Variants in DLGAP2 observed in about 807,000 individuals in gnomAD.
DLGAP2 encodes DLG associated protein 2, also known as disks large-associated protein 2.
DLGAP2 carries 26 observed loss-of-function variants against 100.3 expected under a neutral mutation model. That is an observed-to-expected ratio of 0.26 (90% CI 0.19 to 0.36). The LOEUF is 0.36. Ranked by LOEUF, DLGAP2 falls within the 10% of genes least tolerant of loss-of-function variation. DLGAP2 has a pLI of 1.00. For missense variants in DLGAP2, 1,858 were observed against 1,453.2 expected (o/e 1.28, Z -4.53); for synonymous variants, 886 against 630.1 (o/e 1.41, Z -6.08).
At chr8:1,526,156 C>T (rs888645751) in intron 4 of DLGAP2, among the ~76,000 whole-genome samples, 5 of 151,086 alleles carry the variant, frequency 3.3e-5, no homozygotes, top group Non-Finnish European at 7.4e-5. Flanking sequence ...CCATGGTGTT[C>T]CCAACGGGCT....
At chr8:1,349,597 C>T (rs199993356) in intron 3 of DLGAP2, among the ~76,000 whole-genome samples, 5,290 of 119,966 alleles carry the variant, frequency 0.044, 123 homozygotes, top group South Asian at 0.087. Flanking sequence ...TATCATGAGC[C>T]TCCTGCCCAC....
intron 2 of DLGAP2, among the ~76,000 whole-genome samples, chr8:1,091,155 C>G (rs933503610): frequency 6.6e-5 from 10 of 152,308 alleles, no homozygotes; most frequent in African/African-American, 2.4e-4. Context: ...CACCCCGGTT[C>G]TCTCTGGGAG....
At chr8:1,689,251 T>C (rs1433287043) in intron 12 of DLGAP2, among the ~76,000 whole-genome samples, 3 of 152,166 alleles carry the variant, frequency 2.0e-5, no homozygotes, top group African/African-American at 7.2e-5. Flanking sequence ...ACGGACTTTC[T>C]GGCCCGACCC....
chr8:1,056,516 A>G (rs752816695), intron 2 of DLGAP2, among the ~76,000 whole-genome samples: 8 of 152,202 alleles, frequency 5.3e-5, no homozygotes, highest in Non-Finnish European at 8.8e-5. Context: ...CTGTAGAACT[A>G]TTAAAGAAAA....
At chr8:1,624,483 G>T (rs1215778876) in intron 6 of DLGAP2, among the ~76,000 whole-genome samples, 1 of 151,942 alleles carries the variant, frequency 6.6e-6, no homozygotes, top group Admixed American at 6.6e-5. Context: ...GAAGCCAGCA[G>T]TGGTCTCTTA....
chr8:1,430,963 TTC>T (rs936922975), intron 3 of DLGAP2, among the ~76,000 whole-genome samples: 7 of 152,240 alleles, frequency 4.6e-5, no homozygotes. Flanking sequence ...AGTCATTACC[TTC>T]TCTTTTACTT....
intron 1 of DLGAP2, among the ~76,000 whole-genome samples, chr8:811,230 T>A (rs1371692755): frequency 2.0e-5 from 3 of 152,254 alleles, no homozygotes; most frequent in African/African-American, 7.2e-5. Flanking sequence ...AGAGGTTTCC[T>A]CCCTTCTTGG....
chr8:1,127,847 A>G (rs1181020467), intron 2 of DLGAP2, among the ~76,000 whole-genome samples: 1 of 152,236 alleles, frequency 6.6e-6, no homozygotes, highest in Non-Finnish European at 1.5e-5. Context: ...TAAGTGGATT[A>G]GTCATTCGAG....
At chr8:1,286,182 A>C (rs193179841) in intron 3 of DLGAP2, among the ~76,000 whole-genome samples, 1 of 152,260 alleles carries the variant, frequency 6.6e-6, no homozygotes, top group Non-Finnish European at 1.5e-5. Flanking sequence ...ATGGTTTTAT[A>C]AGGGGCGTCC....
chr8:899,078 A>G (rs1423705065), intron 1 of DLGAP2, among the ~76,000 whole-genome samples: 4 of 152,232 alleles, frequency 2.6e-5, no homozygotes, highest in Non-Finnish European at 4.4e-5. Flanking sequence ...CCGTTGACTG[A>G]TGGCAGCTCA....
chr8:911,620 G>A (rs1320112769), intron 2 of DLGAP2, among the ~76,000 whole-genome samples: 2 of 152,084 alleles, frequency 1.3e-5, no homozygotes, highest in East Asian at 1.9e-4. Flanking sequence ...ATGTTGGAAG[G>A]ATGCATGTAT....
chr8:1,458,959 C>G (rs913909220), intron 3 of DLGAP2, among the ~76,000 whole-genome samples: 1 of 152,036 alleles, frequency 6.6e-6, no homozygotes, highest in Non-Finnish European at 1.5e-5. Flanking sequence ...ACAGGAGTGA[C>G]AACCAGGTGG....
At chr8:1,387,461 G>A (rs149058099) in intron 3 of DLGAP2, among the ~76,000 whole-genome samples, 16 of 152,336 alleles carry the variant, frequency 1.1e-4, no homozygotes, top group African/African-American at 2.9e-4. Flanking sequence ...AAGATTGGCA[G>A]TCTGGTGCAC....
intron 6 of DLGAP2, among the ~76,000 whole-genome samples, chr8:1,580,460 A>G (rs146682180): frequency 5.9e-4 from 90 of 152,356 alleles, no homozygotes; most frequent in Non-Finnish European, 1.2e-3. Flanking sequence ...CGAAAGGCAG[A>G]AAAGAGCATC....
intron 2 of DLGAP2, among the ~76,000 whole-genome samples, chr8:986,978 T>C (rs2129015617): frequency 6.6e-6 from 1 of 152,244 alleles, no homozygotes; most frequent in East Asian, 1.9e-4. Context: ...TTTAGTAATG[T>C]GGTATCATTT....
At chr8:908,902 C>G (rs1046569163) in intron 2 of DLGAP2, among the ~76,000 whole-genome samples, 2 of 152,210 alleles carry the variant, frequency 1.3e-5, no homozygotes, top group Non-Finnish European at 2.9e-5. Context: ...ATTACAAAGA[C>G]TCTTCTATGG....
At chr8:1,623,475 C>T (rs1797403702) in intron 6 of DLGAP2, among the ~76,000 whole-genome samples, 1 of 151,628 alleles carries the variant, frequency 6.6e-6, no homozygotes, top group African/African-American at 2.4e-5. Flanking sequence ...AATGACCTGA[C>T]ACCAGTGCAC....
intron 2 of DLGAP2, among the ~76,000 whole-genome samples, chr8:1,105,901 G>T (rs1302097650): frequency 6.6e-6 from 1 of 150,924 alleles, no homozygotes; most frequent in Admixed American, 6.6e-5. Context: ...GGCCATTCTA[G>T]GAGGGTTTTC....
intron 3 of DLGAP2, among the ~76,000 whole-genome samples, chr8:1,363,227 G>A (rs1363064992): frequency 6.6e-6 from 1 of 152,230 alleles, no homozygotes; most frequent in Non-Finnish European, 1.5e-5. Context: ...TCACACGAAG[G>A]TACGGGCAGC....
Sources: gnomAD v4.1 joint callset for allele counts (sites outside exome capture counted in the v4.1 genomes callset) on GRCh38, gnomAD v4.1.1 for gene constraint, MANE v1.5 for transcripts, NCBI Gene and HGNC (gene_info 2026-07-23, HGNC 2026-07-21) for gene names.